The following NOS1AP variants were observed in gnomAD, a reference collection of about 807,000 sequenced individuals.
The protein encoded by NOS1AP is nitric oxide synthase 1 adaptor protein.
NOS1AP carries 21 observed loss-of-function variants against 56.2 expected under a neutral mutation model. The ratio of observed to expected loss-of-function variants is 0.37; its 90% CI spans 0.26 to 0.54. NOS1AP has a LOEUF of 0.54. Among genes scored for constraint, NOS1AP ranks in the 20% least tolerant of loss-of-function variants. The pLI is 0.84. For missense variants in NOS1AP, 522 were observed against 657.8 expected (o/e 0.79, Z 2.26); for synonymous variants, 270 against 274.6 (o/e 0.98, Z 0.17).
At position 162,264,255 on chromosome 1, in the gene NOS1AP, C is replaced by T. The variant is rs371924332; in HGVS notation, c.178-23089C>T. Among the ~76,000 whole-genome samples, 118 of 152,218 alleles carry T rather than the reference C, an allele frequency of 7.8e-4. 2 individuals are homozygous for T. In the South Asian group the frequency reaches 0.024, roughly 31 times the overall value. ...GTGCCCCTATTTTCCTCTTCAGCCT[C>T]TTCTCCCTTTACTAATGTCCTCATT... is the stretch of plus-strand genomic sequence containing the variant. On this transcript the variant is annotated intron_variant, in intron 2 of 9. Transcript: ENST00000361897.
At chr1:162,249,421 G>A (rs1359252031) in intron 2 of NOS1AP, among the ~76,000 whole-genome samples, 1 of 152,160 alleles carries the variant, frequency 6.6e-6, no homozygotes, top group East Asian at 1.9e-4. Context: ...TCCTGAAAGA[G>A]GGCACCATGG....
At chr1:162,303,579 C>T (rs950392232) in intron 4 of NOS1AP, among the ~76,000 whole-genome samples, 3 of 152,096 alleles carry the variant, frequency 2.0e-5, no homozygotes, top group African/African-American at 7.2e-5. Context: ...GTAGCTGGGA[C>T]TACAGATGTG....
chr1:162,127,168 G>A (rs1181694260), intron 1 of NOS1AP, among the ~76,000 whole-genome samples: 1 of 151,920 alleles, frequency 6.6e-6, no homozygotes, highest in Non-Finnish European at 1.5e-5. Flanking sequence ...TGTATATTAG[G>A]AATACAAGCC....
At chr1:162,121,361 C>T (rs1016168589) in intron 1 of NOS1AP, among the ~76,000 whole-genome samples, 5 of 151,778 alleles carry the variant, frequency 3.3e-5, no homozygotes, top group South Asian at 2.1e-4. Flanking sequence ...TCAAGTGATC[C>T]GCCCATCTCA....
At chr1:162,219,973 C>G (rs547761958) in intron 2 of NOS1AP, among the ~76,000 whole-genome samples, 1 of 152,334 alleles carries the variant, frequency 6.6e-6, no homozygotes, top group African/African-American at 2.4e-5. Context: ...CTCTGTCACT[C>G]AGGCTGGAGT....
chr1:162,365,612 T>C (rs371021780), intron 9 of NOS1AP, 43 bp downstream of exon 9: 1 of 1,601,516 alleles, frequency 6.2e-7, no homozygotes, highest in Non-Finnish European at 8.5e-7. Context: ...CTGTGAAGGC[T>C]CTGGAAAGAG....
At chr1:162,116,860 A>G (rs1248416879) in intron 1 of NOS1AP, among the ~76,000 whole-genome samples, 1 of 152,186 alleles carries the variant, frequency 6.6e-6, no homozygotes, top group South Asian at 2.1e-4. Context: ...TAACAAGTAC[A>G]GTTTCCTTAG....
chr1:162,106,972 C>G (rs919170272), intron 1 of NOS1AP, among the ~76,000 whole-genome samples: 1 of 149,460 alleles, frequency 6.7e-6, no homozygotes, highest in Non-Finnish European at 1.5e-5. Flanking sequence ...TATTCATTGG[C>G]ACACTATTTG....
At chr1:162,275,979 T>A (rs1322072522) in intron 2 of NOS1AP, among the ~76,000 whole-genome samples, 1 of 152,226 alleles carries the variant, frequency 6.6e-6, no homozygotes, top group Non-Finnish European at 1.5e-5. Flanking sequence ...CCTTTATAAA[T>A]AAAGCTTTAT....
intron 2 of NOS1AP, among the ~76,000 whole-genome samples, chr1:162,281,546 T>C (rs1285374816): frequency 6.6e-6 from 1 of 152,104 alleles, no homozygotes; most frequent in African/African-American, 2.4e-5. Flanking sequence ...GAAGCGGGAG[T>C]TGGCTTCACT....
chr1:162,319,228 A>C (rs1420136978), intron 4 of NOS1AP, among the ~76,000 whole-genome samples: 1 of 152,226 alleles, frequency 6.6e-6, no homozygotes, highest in Non-Finnish European at 1.5e-5. Flanking sequence ...AAATGTAAGC[A>C]GCAGAATGGG....
intron 1 of NOS1AP, among the ~76,000 whole-genome samples, chr1:162,142,026 C>T (rs1180262422): frequency 1.3e-5 from 2 of 149,896 alleles, no homozygotes; most frequent in African/African-American, 5.0e-5. Flanking sequence ...TTGTACTGGG[C>T]GCTCAGGATA....
At chr1:162,212,690 G>A (rs928238146) in intron 2 of NOS1AP, among the ~76,000 whole-genome samples, 8 of 152,188 alleles carry the variant, frequency 5.3e-5, no homozygotes, top group African/African-American at 1.9e-4. Flanking sequence ...GATCAGTCTA[G>A]GGGGTCTAGC....
intron 2 of NOS1AP, among the ~76,000 whole-genome samples, chr1:162,182,800 C>T (rs1300854127): frequency 2.0e-5 from 3 of 152,176 alleles, no homozygotes; most frequent in Non-Finnish European, 4.4e-5. Flanking sequence ...CATCTTCAGG[C>T]TCCACTTCTC....
At chr1:162,174,561 A>G (rs1650970070) in intron 2 of NOS1AP, among the ~76,000 whole-genome samples, 1 of 152,200 alleles carries the variant, frequency 6.6e-6, no homozygotes, top group South Asian at 2.1e-4. Context: ...AAGTGTAATA[A>G]TAATATAATA....
At chr1:162,307,570 G>A (rs1352035046) in intron 4 of NOS1AP, among the ~76,000 whole-genome samples, 1 of 152,186 alleles carries the variant, frequency 6.6e-6, no homozygotes, top group African/African-American at 2.4e-5. Context: ...TTGGGAGGCT[G>A]AGGCAGGCGG....
chr1:162,234,509 C>T (rs1231632461), intron 2 of NOS1AP, among the ~76,000 whole-genome samples: 1 of 152,142 alleles, frequency 6.6e-6, no homozygotes, highest in Non-Finnish European at 1.5e-5. Context: ...ATCATTGTGG[C>T]AGCTCTTCTT....
intron 1 of NOS1AP, among the ~76,000 whole-genome samples, chr1:162,101,524 A>G (rs1229842268): frequency 2.0e-5 from 3 of 152,188 alleles, no homozygotes; most frequent in African/African-American, 7.2e-5. Flanking sequence ...TACTTTGGGC[A>G]GTATGTACTT....
At chr1:162,279,482 A>C (rs538638334) in intron 2 of NOS1AP, among the ~76,000 whole-genome samples, 1 of 152,154 alleles carries the variant, frequency 6.6e-6, no homozygotes, top group African/African-American at 2.4e-5. Context: ...TGTGTGCATG[A>C]ACCGCTCTTC....
Sources: gnomAD v4.1 joint callset for allele counts (sites outside exome capture counted in the v4.1 genomes callset) on GRCh38, gnomAD v4.1.1 for gene constraint, MANE v1.5 for transcripts, NCBI Gene and HGNC (gene_info 2026-07-23, HGNC 2026-07-21) for gene names.